The following TTC28 variants were observed in gnomAD, a reference collection of about 807,000 sequenced individuals.
TTC28 encodes tetratricopeptide repeat domain 28.
A neutral mutation model predicts 198.0 loss-of-function variants in TTC28; 61 were observed. The ratio of observed to expected loss-of-function variants is 0.31; its 90% CI spans 0.25 to 0.38. The LOEUF (loss-of-function observed/expected upper bound fraction) is 0.38, where lower values mean the gene tolerates loss of function less well. TTC28 is among the 10% of genes least tolerant of loss of function. The pLI is 1.00. For synonymous variants in TTC28, 1,171 were observed against 1,297.8 expected (o/e 0.90, Z 2.10); for missense variants, 2,678 against 3,164.0 (o/e 0.85, Z 3.69).
At chr22:28,319,484 T>A (rs2045409890) in intron 2 of TTC28, among the ~76,000 whole-genome samples, 2 of 152,206 alleles carry the variant, frequency 1.3e-5, no homozygotes, top group Non-Finnish European at 1.5e-5. Flanking sequence ...TATTCTATAA[T>A]TTTTATATTA....
intron 5 of TTC28, among the ~76,000 whole-genome samples, chr22:28,275,335 A>G (rs755017935): frequency 6.6e-6 from 1 of 152,238 alleles, no homozygotes; most frequent in Non-Finnish European, 1.5e-5. Flanking sequence ...TGCCTCAAAC[A>G]TTAAGACCAC....
At chr22:28,576,091 T>C (rs1464693030) in intron 2 of TTC28, among the ~76,000 whole-genome samples, 1 of 152,162 alleles carries the variant, frequency 6.6e-6, no homozygotes, top group African/African-American at 2.4e-5. Context: ...TGAAAGTCTT[T>C]CGATTTTTCC....
intron 2 of TTC28, among the ~76,000 whole-genome samples, chr22:28,575,060 A>T (rs2050124151): frequency 6.6e-6 from 1 of 151,946 alleles, no homozygotes; most frequent in Non-Finnish European, 1.5e-5. Context: ...TTTTACTTTG[A>T]TTGTCTGGGC....
At chr22:28,363,849 T>A (rs1312966691) in intron 2 of TTC28, among the ~76,000 whole-genome samples, 4 of 152,204 alleles carry the variant, frequency 2.6e-5, no homozygotes, top group Admixed American at 1.3e-4. Context: ...TTTCTTCCAT[T>A]TGGAATGGCT....
chr22:28,112,616 T>C (rs1440967034), intron 6 of TTC28, among the ~76,000 whole-genome samples: 2 of 152,216 alleles, frequency 1.3e-5, no homozygotes, highest in Non-Finnish European at 2.9e-5. Context: ...GAATGGAACA[T>C]GACACACTCT....
intron 12 of TTC28, among the ~76,000 whole-genome samples, chr22:28,083,586 G>C (rs551127296): frequency 6.6e-6 from 1 of 152,238 alleles, no homozygotes; most frequent in Non-Finnish European, 1.5e-5. Flanking sequence ...CAGCGTGAGC[G>C]ATGCAGAAGA....
chr22:28,601,306 C>T (rs2050635339), intron 2 of TTC28, among the ~76,000 whole-genome samples: 1 of 152,104 alleles, frequency 6.6e-6, no homozygotes, highest in Admixed American at 6.5e-5. Context: ...TTAGTTCACT[C>T]CTTCATGAAA....
At chr22:28,125,690 T>G (rs1236006104) in intron 6 of TTC28, among the ~76,000 whole-genome samples, 3 of 152,218 alleles carry the variant, frequency 2.0e-5, no homozygotes, top group African/African-American at 7.2e-5. Flanking sequence ...AAGATCTGCT[T>G]GAAAAAGAAT....
chr22:28,604,297 TTATATATATATATA>T (rs35077140), intron 2 of TTC28, among the ~76,000 whole-genome samples: 1 of 114,142 alleles, frequency 8.8e-6, no homozygotes, highest in African/African-American at 3.5e-5. Flanking sequence ...AAAAAAAAAA[TTATATATATATATA>T]TATATATATA....
intron 2 of TTC28, among the ~76,000 whole-genome samples, chr22:28,461,115 G>A (rs1014926298): frequency 2.0e-5 from 3 of 152,080 alleles, no homozygotes; most frequent in African/African-American, 7.2e-5. Context: ...CCTCATTGTG[G>A]CCTTCTTGCT....
chr22:28,272,246 T>A (rs1450387952), intron 5 of TTC28, among the ~76,000 whole-genome samples: 1 of 152,216 alleles, frequency 6.6e-6, no homozygotes, highest in East Asian at 1.9e-4. Context: ...GTAAGCTCCA[T>A]CAGAGCACTA....
intron 9 of TTC28, among the ~76,000 whole-genome samples, chr22:28,100,671 T>C (rs746931368): frequency 2.6e-5 from 4 of 152,142 alleles, no homozygotes; most frequent in Non-Finnish European, 4.4e-5. Flanking sequence ...GAGTGCGTGA[T>C]CTTAGATGCA....
chr22:28,256,637 C>T (rs903660517), intron 5 of TTC28, among the ~76,000 whole-genome samples: 20 of 152,182 alleles, frequency 1.3e-4, no homozygotes, highest in African/African-American at 4.3e-4. Flanking sequence ...GTAAAAAGAA[C>T]AAGGCTGGAG....
intron 6 of TTC28, among the ~76,000 whole-genome samples, chr22:28,130,603 T>C (rs1338353265): frequency 2.0e-5 from 3 of 152,230 alleles, no homozygotes; most frequent in Non-Finnish European, 4.4e-5. Flanking sequence ...TGAATGCAGA[T>C]GCAGAAAGAA....
At chr22:28,263,524 C>T (rs931528987) in intron 5 of TTC28, among the ~76,000 whole-genome samples, 4 of 152,168 alleles carry the variant, frequency 2.6e-5, no homozygotes, top group Non-Finnish European at 4.4e-5. Flanking sequence ...CAATTTACTA[C>T]ATACTGATGC....
At chr22:28,452,213 C>T (rs948590347) in intron 2 of TTC28, among the ~76,000 whole-genome samples, 5 of 151,646 alleles carry the variant, frequency 3.3e-5, no homozygotes, top group African/African-American at 1.2e-4. Context: ...CATGGTGAAA[C>T]CCCATCTCTA....
intron 2 of TTC28, among the ~76,000 whole-genome samples, chr22:28,612,720 A>T (rs1287086473): frequency 1.3e-5 from 2 of 152,132 alleles, no homozygotes; most frequent in African/African-American, 4.8e-5. Context: ...GAACAACCTG[A>T]TCCTGAATAC....
chr22:28,043,148 G>A lies in TTC28; in HGVS notation c.3933-12782C>T, dbSNP rs560943564. Among the ~76,000 whole-genome samples, 190 of 148,378 alleles carry A rather than the reference G, an allele frequency of 1.3e-3. 1 individual carries two copies. The highest frequency in any genetic ancestry group is 2.2e-3 in the Non-Finnish European group (145 of 67,410). ...AATCCCAGCTACTCGGGAGGCTGAG[G>A]CAGAGAACTGCTTGAACCCGGGAGG... On this transcript the variant is annotated intron_variant, in intron 12 of 22. Coordinates refer to ENST00000397906, the MANE Select transcript of TTC28 (RefSeq NM_001145418.2).
intron 12 of TTC28, among the ~76,000 whole-genome samples, chr22:28,089,379 T>C (rs1217001702): frequency 1.3e-5 from 2 of 150,894 alleles, no homozygotes; most frequent in Non-Finnish European, 3.0e-5. Flanking sequence ...ATGGATGAAA[T>C]TGGAAATCAT....
Sources: allele counts gnomAD v4.1 joint callset (sites outside exome capture counted in the v4.1 genomes callset), GRCh38; gene constraint gnomAD v4.1.1; transcripts MANE v1.5; gene names NCBI Gene and HGNC (gene_info 2026-07-23, HGNC 2026-07-21).